CADM1: variants seen among roughly 807,000 people sequenced by gnomAD.
CADM1 encodes cell adhesion molecule 1.
Under a neutral mutation model 53.1 loss-of-function variants are expected in CADM1, and 15 were observed. The observed-to-expected ratio is 0.28, with a 90% CI of 0.19 to 0.44. The LOEUF (loss-of-function observed/expected upper bound fraction) is 0.44, where lower values mean the gene tolerates loss of function less well. Ranked by LOEUF, CADM1 falls within the 20% of genes least tolerant of loss-of-function variation. CADM1 has a pLI of 1.00. For synonymous variants in CADM1, 281 were observed against 243.0 expected, an observed-to-expected ratio of 1.16 and a Z score of -1.45; for missense variants, 434 against 611.3, an observed-to-expected ratio of 0.71 and a Z score of 3.06.
chr11:115,321,256 C>A (rs1482917987), intron 1 of CADM1, among the ~76,000 whole-genome samples: 1 of 152,156 alleles, frequency 6.6e-6, no homozygotes, highest in African/African-American at 2.4e-5. Flanking sequence ...TAAAGAGTTG[C>A]AAGATTGGTA....
chr11:115,278,784 A>C (rs1378798948), intron 1 of CADM1, among the ~76,000 whole-genome samples: 2 of 152,204 alleles, frequency 1.3e-5, no homozygotes, highest in Admixed American at 1.3e-4. Context: ...TGAACCAGGG[A>C]GGGAGGAGCA....
At chr11:115,226,068 G>C (rs955220599) in intron 5 of CADM1, among the ~76,000 whole-genome samples, 1 of 151,974 alleles carries the variant, frequency 6.6e-6, no homozygotes, top group Non-Finnish European at 1.5e-5. Flanking sequence ...GTATTTCCTA[G>C]TGATAACCTA....
intron 8 of CADM1, among the ~76,000 whole-genome samples, chr11:115,208,141 C>A (rs1346199203): frequency 2.6e-5 from 4 of 152,152 alleles, no homozygotes; most frequent in Non-Finnish European, 5.9e-5. Flanking sequence ...CACACACAGA[C>A]AAGAATCTAG....
chr11:115,369,385 G>T (rs1438133890), intron 1 of CADM1, among the ~76,000 whole-genome samples: 1 of 152,142 alleles, frequency 6.6e-6, no homozygotes, highest in African/African-American at 2.4e-5. Flanking sequence ...GTTGTTCAGA[G>T]CAAGTAATAT....
At chr11:115,422,510 T>C (rs1947782708) in intron 1 of CADM1, among the ~76,000 whole-genome samples, 1 of 152,168 alleles carries the variant, frequency 6.6e-6, no homozygotes, top group African/African-American at 2.4e-5. Flanking sequence ...AGCTGTAACA[T>C]ACCAATCAGA....
At chr11:115,404,155 G>C (rs1439299474) in intron 1 of CADM1, among the ~76,000 whole-genome samples, 2 of 147,182 alleles carry the variant, frequency 1.4e-5, no homozygotes, top group African/African-American at 2.5e-5. Context: ...GTAAAACCCT[G>C]TCTCTATGAA....
chr11:115,462,322 C>T (rs1349115989), intron 1 of CADM1, among the ~76,000 whole-genome samples: 1 of 152,124 alleles, frequency 6.6e-6, no homozygotes, highest in African/African-American at 2.4e-5. Flanking sequence ...CAGGAAGAGG[C>T]GAGAGTTAAA....
chr11:115,448,662 A>C (rs1467837595), intron 1 of CADM1, among the ~76,000 whole-genome samples: 1 of 85,370 alleles, frequency 1.2e-5, no homozygotes, highest in Non-Finnish European at 2.3e-5. Context: ...GTTGGGGGGT[A>C]GGAGGGGGTG....
chr11:115,406,359 A>G (rs1303265368), intron 1 of CADM1, among the ~76,000 whole-genome samples: 1 of 151,938 alleles, frequency 6.6e-6, no homozygotes, highest in Non-Finnish European at 1.5e-5. Context: ...TGATTTTTAA[A>G]ACAAAACAAT....
At chr11:115,370,916 TC>T (rs1394084366) in intron 1 of CADM1, among the ~76,000 whole-genome samples, 19 of 152,236 alleles carry the variant, frequency 1.2e-4, no homozygotes, top group African/African-American at 4.6e-4. Context: ...AACGAAGACT[TC>T]CATTTCTCAC....
Position 115,173,563 on chromosome 11 carries a change from A to AGGAAGCTGGGACCC in CADM1, c.*2910_*2911insGGGTCCCAGCTTCC. The AGGAAGCTGGGACCC allele has an allele frequency of 5.7e-6, 1 of 175,124 alleles. No individual in the cohort carries two copies. Among genetic ancestry groups the AGGAAGCTGGGACCC allele is most frequent in the East Asian group, 1.9e-4 (1 of 5,270 alleles). 10.8% of individuals were successfully genotyped at this position (175,124 alleles called of 1,614,324 possible). ...TGGTCCTAAGGAGGAAGCTGGGACC[A>AGGAAGCTGGGACCC]GAGGCCCATCTCTTCTCTCACTCGG... is the stretch of plus-strand genomic sequence containing the variant. On this transcript the variant is annotated 3_prime_UTR_variant, in exon 12 of 12. Transcript: ENST00000331581.
intron 1 of CADM1, among the ~76,000 whole-genome samples, chr11:115,470,328 AATAATACTGATTAAACT>A (rs1380412438): frequency 1.3e-5 from 2 of 152,258 alleles, no homozygotes; most frequent in Non-Finnish European, 2.9e-5. Flanking sequence ...AACTGTCTTC[AATAATACTGATTAAACT>A]AGCCATTGGC....
In CADM1 at chr11:115,475,390, T is replaced by C. The variant is rs1048796096; in HGVS notation, c.124+28881A>G. ...TTGGATATGGAGAGCCACCTGTACT[T>C]ATCAAATGACCTGGCAATCTACTTC... On this transcript the variant is annotated intron_variant, in intron 1 of 11. Transcript: ENST00000331581. 2.0e-5 allele frequency among the ~76,000 whole-genome samples: 3 copies of C among 152,194 alleles called. No homozygotes were observed. The South Asian group carries it at 6.2e-4, about 32-fold the overall frequency.
chr11:115,260,826 C>T (rs1297812719), intron 1 of CADM1, among the ~76,000 whole-genome samples: 4 of 139,570 alleles, frequency 2.9e-5, no homozygotes, highest in African/African-American at 1.2e-4. Flanking sequence ...GCGCCTGCCA[C>T]CACCCCCGGC....
chr11:115,285,237 T>C (rs1234755539), intron 1 of CADM1, among the ~76,000 whole-genome samples: 1 of 152,220 alleles, frequency 6.6e-6, no homozygotes, highest in Non-Finnish European at 1.5e-5. Flanking sequence ...ACTAAAACGT[T>C]TTAATAGACA....
chr11:115,378,586 C>T (rs1946497317), intron 1 of CADM1, among the ~76,000 whole-genome samples: 1 of 152,100 alleles, frequency 6.6e-6, no homozygotes, highest in South Asian at 2.1e-4. Context: ...CAAACTAAGG[C>T]CTGTGATCCA....
At chr11:115,205,667 T>C (rs796196242) in intron 8 of CADM1, among the ~76,000 whole-genome samples, 1 of 151,978 alleles carries the variant, frequency 6.6e-6, no homozygotes, top group Non-Finnish European at 1.5e-5. Context: ...CACGGACAAT[T>C]TGACACAATA....
intron 1 of CADM1, among the ~76,000 whole-genome samples, chr11:115,363,004 C>T (rs1351901758): frequency 6.6e-6 from 1 of 152,156 alleles, no homozygotes; most frequent in African/African-American, 2.4e-5. Context: ...GGAGACTGAA[C>T]TTCATGTTTA....
chr11:115,280,782 A>C (rs1392392932), intron 1 of CADM1, among the ~76,000 whole-genome samples: 1 of 152,196 alleles, frequency 6.6e-6, no homozygotes, highest in Non-Finnish European at 1.5e-5. Flanking sequence ...GGAGGATGTC[A>C]AGAAGATACA....
Sources: allele counts gnomAD v4.1 joint callset (sites outside exome capture counted in the v4.1 genomes callset), GRCh38; gene constraint gnomAD v4.1.1; transcripts MANE v1.5; gene names NCBI Gene and HGNC (gene_info 2026-07-23, HGNC 2026-07-21).